Variants in USP43 observed in about 807,000 individuals in gnomAD.
USP43 encodes the protein ubiquitin specific peptidase 43.
USP43 carries 33 observed loss-of-function variants against 90.7 expected under a neutral mutation model. The ratio of observed to expected loss-of-function variants is 0.36; its 90% CI spans 0.28 to 0.49. USP43 has a LOEUF of 0.49. USP43 is among the 20% of genes least tolerant of loss of function. USP43 has a pLI of 0.98. For missense variants in USP43, 1,274 were observed against 1,476.4 expected (o/e 0.86, Z 2.25); for synonymous variants, 598 against 615.8 (o/e 0.97, Z 0.43).
intron 6 of USP43, among the ~76,000 whole-genome samples, chr17:9,681,288 A>T (rs1271661997): frequency 8.8e-6 from 1 of 113,002 alleles, no homozygotes; most frequent in Non-Finnish European, 1.7e-5. Context: ...ATAATTATAT[A>T]TGTTATATAT....
At chr17:9,688,238 C>T (rs542593199) in intron 8 of USP43, among the ~76,000 whole-genome samples, 15 of 141,012 alleles carry the variant, frequency 1.1e-4, no homozygotes, top group Admixed American at 1.4e-4. Context: ...CCACTGGCCT[C>T]GGCCTCCCAG....
chr17:9,711,497 C>T (rs906976276), intron 13 of USP43, among the ~76,000 whole-genome samples: 5 of 152,112 alleles, frequency 3.3e-5, no homozygotes, highest in Admixed American at 2.0e-4. Flanking sequence ...AGCGCGATTT[C>T]GGCTCACTGC....
chr17:9,710,606 G>C (rs575327732), intron 13 of USP43, among the ~76,000 whole-genome samples: 1 of 144,820 alleles, frequency 6.9e-6, no homozygotes. Context: ...TTGGGTTCAA[G>C]CGATTCTCCT....
intron 9 of USP43, among the ~76,000 whole-genome samples, chr17:9,696,738 GC>G (rs1597864022): frequency 6.6e-6 from 1 of 152,188 alleles, no homozygotes; most frequent in Non-Finnish European, 1.5e-5. Flanking sequence ...GCCTCCCAGT[GC>G]CCACGGGATA....
intron 14 of USP43, among the ~76,000 whole-genome samples, chr17:9,714,448 G>A (rs1032990805): frequency 9.2e-5 from 14 of 152,098 alleles, no homozygotes; most frequent in African/African-American, 2.4e-4. Flanking sequence ...TTGGGAGGCC[G>A]AGGTGGGCAG....
At position 9,728,997 on chromosome 17, in the gene USP43, G is replaced by GT. The variant is rs1917439412; in HGVS notation, c.*8dup. The GT allele has an allele frequency of 1.9e-6, 3 of 1,539,772 alleles. No individual in the cohort carries two copies. The highest frequency in any genetic ancestry group is 2.6e-6 in the Non-Finnish European group (3 of 1,139,344). On this transcript the variant is annotated 3_prime_UTR_variant, in exon 15 of 15. Transcript: ENST00000285199. This position sits in a 1 kb window ranked among gnomAD's most constrained non-coding sequence, Gnocchi z 6.2. ...ACCGGAGTCCAGCTTTTGATGGAGC[G>GT]TGTCAGTATTGTGTGACGCTGGCAT...
intron 1 of USP43, among the ~76,000 whole-genome samples, chr17:9,652,596 C>T (rs1487752872): frequency 2.0e-5 from 3 of 152,026 alleles, no homozygotes. Context: ...CTCCTGACCT[C>T]GTTTCCTGCC....
intron 1 of USP43, among the ~76,000 whole-genome samples, chr17:9,648,936 TCC>T (rs1200713180): frequency 1.4e-5 from 2 of 146,196 alleles, no homozygotes; most frequent in East Asian, 1.9e-4. Context: ...TCTGTCTCTC[TCC>T]CTCTCTCTCT....
intron 6 of USP43, among the ~76,000 whole-genome samples, chr17:9,681,078 TATATA>T (rs200129728): frequency 0.016 from 2,069 of 126,384 alleles, 90 homozygotes; most frequent in East Asian, 0.053. Context: ...TTATATATCA[TATATA>T]ATATAATATA....
At chr17:9,724,283 G>A (rs565952235) in intron 14 of USP43, among the ~76,000 whole-genome samples, 4 of 152,070 alleles carry the variant, frequency 2.6e-5, no homozygotes, top group East Asian at 3.9e-4. Flanking sequence ...TTACCTTAAC[G>A]GGGACCAGAG....
At chr17:9,689,655 C>T (rs1028018687) in intron 8 of USP43, among the ~76,000 whole-genome samples, 2 of 152,142 alleles carry the variant, frequency 1.3e-5, no homozygotes, top group Admixed American at 6.5e-5. Context: ...CTCAAGAAGT[C>T]CTCCCACATT....
chr17:9,647,862 A>T (rs1392682628), intron 1 of USP43, among the ~76,000 whole-genome samples: 1 of 151,050 alleles, frequency 6.6e-6, no homozygotes, highest in Non-Finnish European at 1.5e-5. Flanking sequence ...AAAAAAAAAA[A>T]AAAAAAAAAT....
chr17:9,681,617 C>T (rs1023319317), intron 6 of USP43, among the ~76,000 whole-genome samples: 5 of 148,956 alleles, frequency 3.4e-5, no homozygotes, highest in African/African-American at 9.9e-5. Context: ...CCTCAGCCTC[C>T]CAAGTAGCTG....
At chr17:9,681,350 A>G (rs1446702628) in intron 6 of USP43, among the ~76,000 whole-genome samples, 1 of 116,810 alleles carries the variant, frequency 8.6e-6, no homozygotes, top group Non-Finnish European at 1.7e-5. Context: ...ATATATAAAT[A>G]AAATAAATAA....
At chr17:9,707,175 A>G (rs1410237693) in intron 12 of USP43, among the ~76,000 whole-genome samples, 1 of 152,178 alleles carries the variant, frequency 6.6e-6, no homozygotes, top group African/African-American at 2.4e-5. Context: ...GGCAAAATGA[A>G]ACACTGGGTT....
chr17:9,664,279 C>T (rs1297186537), intron 2 of USP43, among the ~76,000 whole-genome samples: 1 of 152,148 alleles, frequency 6.6e-6, no homozygotes, highest in Non-Finnish European at 1.5e-5. Context: ...GTCTCTCTAT[C>T]CACTCATTAC....
intron 9 of USP43, among the ~76,000 whole-genome samples, chr17:9,698,899 A>T (rs1915415489): frequency 6.6e-6 from 1 of 152,242 alleles, no homozygotes; most frequent in African/African-American, 2.4e-5. Context: ...CCAGAATTAA[A>T]TTACGTACCC....
chr17:9,687,207 A>T (rs7216819), intron 8 of USP43, among the ~76,000 whole-genome samples: 3,376 of 152,196 alleles, frequency 0.022, 122 homozygotes, highest in African/African-American at 0.077. Context: ...ATTAAAACGA[A>T]ATTTTTTTTT....
rs977511484 is a variant in USP43 at position 9,645,677 on chromosome 17, G to A, written c.45G>A (p.Ala15=). 3,002 of 1,278,502 alleles carry A rather than the reference G, an allele frequency of 2.3e-3. 8 individuals carry two copies. The highest frequency in any genetic ancestry group is 2.7e-3 in the Non-Finnish European group (2,769 of 1,018,852). 79.2% of individuals were successfully genotyped at this position (1,278,502 alleles called of 1,614,324 possible). The change falls in exon 1 of 15, where the codon GCG becomes GCA. Residue 15 remains alanine, a synonymous_variant. Coordinates refer to ENST00000285199, the MANE Select transcript of USP43 (RefSeq NM_153210.5). This position sits in a 1 kb window ranked among gnomAD's most constrained non-coding sequence, Gnocchi z 6.8. ...ACGCGGCAGGAGGGGGACCGCTCGC[G>A]CCCCGGCCCCGCCGCCGCCGCTCCC... ...PGDAAGGGPL[A]PRPRRRRSLR...
Sources: allele counts gnomAD v4.1 joint callset (sites outside exome capture counted in the v4.1 genomes callset), GRCh38; gene constraint gnomAD v4.1.1; non-coding constraint Gnocchi (gnomAD v3.1); transcripts MANE v1.5; gene names NCBI Gene and HGNC (gene_info 2026-07-23, HGNC 2026-07-21).